EIF4G3: variants seen among roughly 807,000 people sequenced by gnomAD.
The protein encoded by EIF4G3 is eIF-4-gamma 3.
In EIF4G3, 34 loss-of-function variants were observed where a neutral mutation model predicts 186.4. That is an observed-to-expected ratio of 0.18 (90% confidence interval 0.14 to 0.24). The LOEUF is 0.24. Ranked by LOEUF, EIF4G3 falls within the 10% of genes least tolerant of loss-of-function variation. The pLI is 1.00. For missense variants in EIF4G3, 1,536 were observed against 1,948.5 expected, an observed-to-expected ratio of 0.79 and a Z score of 3.99; for synonymous variants, 673 against 679.5, an observed-to-expected ratio of 0.99 and a Z score of 0.15.
rs2084091171 is a variant in EIF4G3, at chr1:20,886,222, A to G, written c.2403T>C (p.Asp801=). The G allele has an allele frequency of 6.2e-7, 1 of 1,613,634 alleles. No individual in the cohort carries two copies. Among genetic ancestry groups the G allele is most frequent in the Non-Finnish European group, 8.5e-7 (1 of 1,179,852 alleles). The part of the protein sequence containing the change: ...PSQKRDSQAD[D]PENIKTQELF... ...TCACCTGGGTTTTAATGTTTTCGGG[A>G]TCATCGGCTTGGCTGTCTCGTTTTT... The change falls in exon 19 of 37, where the codon GAT becomes GAC. Residue 801 remains aspartate (D), a synonymous_variant. Transcript: ENST00000602326.
intron 2 of EIF4G3, among the ~76,000 whole-genome samples, chr1:21,098,385 C>G (rs932096060): frequency 6.6e-6 from 1 of 150,938 alleles, no homozygotes; most frequent in Admixed American, 6.6e-5. Context: ...CTACTAAAAA[C>G]ACAAAAAATT....
intron 10 of EIF4G3, among the ~76,000 whole-genome samples, chr1:20,973,747 T>A (rs2154565917): frequency 6.6e-6 from 1 of 152,336 alleles, no homozygotes; most frequent in East Asian, 1.9e-4. Context: ...CTAACTCCTA[T>A]CCTTTGAGTA....
intron 2 of EIF4G3, among the ~76,000 whole-genome samples, chr1:21,113,212 G>A (rs1021566048): frequency 2.0e-5 from 3 of 146,630 alleles, no homozygotes; most frequent in Non-Finnish European, 4.5e-5. Flanking sequence ...GAGAAGAGTA[G>A]CACTGTACAT....
chr1:20,890,662 C>A (rs577084041), intron 18 of EIF4G3, among the ~76,000 whole-genome samples: 3 of 151,916 alleles, frequency 2.0e-5, no homozygotes, highest in Non-Finnish European at 4.4e-5. Context: ...TACCATGTTG[C>A]CCAGGCTGGT....
At chr1:20,848,553 T>G (rs545351956) in intron 29 of EIF4G3, among the ~76,000 whole-genome samples, 1 of 152,306 alleles carries the variant, frequency 6.6e-6, no homozygotes, top group South Asian at 2.1e-4. Context: ...AAATGTCTTA[T>G]TCACTACTAT....
intron 19 of EIF4G3, among the ~76,000 whole-genome samples, chr1:20,885,965 G>A (rs1558076563): frequency 6.6e-6 from 1 of 152,148 alleles, no homozygotes; most frequent in African/African-American, 2.4e-5. Flanking sequence ...ATAAGTCTAT[G>A]ACACATGAAC....
intron 2 of EIF4G3, among the ~76,000 whole-genome samples, chr1:21,137,901 TA>T (rs755191598): frequency 9.2e-5 from 14 of 151,448 alleles, no homozygotes; most frequent in Non-Finnish European, 1.8e-4. Context: ...TAACTAAATC[TA>T]AATGTAATAT....
chr1:20,972,162 C>T (rs2076029543), intron 11 of EIF4G3, among the ~76,000 whole-genome samples: 1 of 152,146 alleles, frequency 6.6e-6, no homozygotes, highest in South Asian at 2.1e-4. Flanking sequence ...TAGACAAAGA[C>T]AAAACCCCTA....
chr1:21,117,740 A>AAAAAAAAAAAAAAAAAAAAAAT (rs2096852270), intron 2 of EIF4G3, among the ~76,000 whole-genome samples: 1 of 133,752 alleles, frequency 7.5e-6, no homozygotes, highest in Non-Finnish European at 1.6e-5. Flanking sequence ...ATATAGTAAA[A>AAAAAAAAAAAAAAAAAAAAAAT]AAAAAAAAAA....
At chr1:21,035,553 T>G (rs2093122785) in intron 4 of EIF4G3, among the ~76,000 whole-genome samples, 1 of 152,202 alleles carries the variant, frequency 6.6e-6, no homozygotes, top group African/African-American at 2.4e-5. Flanking sequence ...CGGGCACTGT[T>G]GCAGCCCAGC....
intron 2 of EIF4G3, among the ~76,000 whole-genome samples, chr1:21,115,015 T>A (rs1572770420): frequency 6.6e-6 from 1 of 152,192 alleles, no homozygotes; most frequent in South Asian, 2.1e-4. Flanking sequence ...AAAACCTTTT[T>A]TTAATTTACA....
intron 4 of EIF4G3, among the ~76,000 whole-genome samples, chr1:21,027,497 G>C (rs528893343): frequency 2.7e-4 from 41 of 151,836 alleles, no homozygotes; most frequent in Admixed American, 6.6e-4. Flanking sequence ...GGGCATGGTG[G>C]CACGGGCCTG....
chr1:20,888,935 G>C (rs965397720), intron 18 of EIF4G3, among the ~76,000 whole-genome samples: 1 of 151,972 alleles, frequency 6.6e-6, no homozygotes, highest in Non-Finnish European at 1.5e-5. Flanking sequence ...AAGAGGTATG[G>C]GCTACACAAA....
At chr1:21,166,184 T>C (rs1446388763) in intron 2 of EIF4G3, among the ~76,000 whole-genome samples, 1 of 150,764 alleles carries the variant, frequency 6.6e-6, no homozygotes, top group Non-Finnish European at 1.5e-5. Context: ...CCCGGCACTT[T>C]GGTAGGCCAA....
At chr1:20,868,092 T>TTTTTTTTTTC (rs1553236888) in intron 20 of EIF4G3, among the ~76,000 whole-genome samples, 3 of 136,850 alleles carry the variant, frequency 2.2e-5, no homozygotes, top group Admixed American at 7.5e-5. Flanking sequence ...GTGATTTTCT[T>TTTTTTTTTTC]TTTTTTTTTT....
chr1:20,992,351 GAA>G, intron 7 of EIF4G3, among the ~76,000 whole-genome samples: 1 of 15,374 alleles, frequency 6.5e-5, no homozygotes, highest in East Asian at 0.062. Flanking sequence ...TCTCAACTAG[GAA>G]TATATAACAT....
chr1:20,931,587 G>C (rs1306733253), intron 14 of EIF4G3, among the ~76,000 whole-genome samples: 1 of 152,130 alleles, frequency 6.6e-6, no homozygotes, highest in Non-Finnish European at 1.5e-5. Context: ...GTCTTTTGTA[G>C]CTTTAATGCC....
At position 20,853,679 on chromosome 1, in the gene EIF4G3, TAC is replaced by T. The variant is rs746945796; in HGVS notation, c.3434-4_3434-3del. On this transcript the variant is annotated splice_region_variant and splice_polypyrimidine_tract_variant and intron_variant, in intron 26 of 36. Coordinates refer to ENST00000602326, the MANE Select transcript of EIF4G3 (RefSeq NM_001391906.1). ...TGGAAGCACTTGACCGTAAGGCATC[TAC>T]ACATGTCGAGGATTTAGAAAAAAAT... 1 of 1,603,756 alleles carries T rather than the reference TAC, an allele frequency of 6.2e-7. No individual in the cohort carries two copies. The highest frequency in any genetic ancestry group is 1.1e-5 in the South Asian group (1 of 90,794).
At chr1:21,008,615 A>C (rs2086024571) in intron 4 of EIF4G3, among the ~76,000 whole-genome samples, 1 of 152,236 alleles carries the variant, frequency 6.6e-6, no homozygotes, top group Non-Finnish European at 1.5e-5. Flanking sequence ...CTGGGATTAT[A>C]GGCGTGAGCC....
Sources: allele counts gnomAD v4.1 joint callset (sites outside exome capture counted in the v4.1 genomes callset), GRCh38; gene constraint gnomAD v4.1.1; transcripts MANE v1.5; gene names NCBI Gene and HGNC (gene_info 2026-07-23, HGNC 2026-07-21).